The following PCGF5 variants were observed in gnomAD, a reference collection of about 807,000 sequenced individuals.
The protein encoded by PCGF5 is polycomb group RING finger protein 5.
PCGF5 carries 9 observed loss-of-function variants against 44.3 expected under a neutral mutation model. The ratio of observed to expected loss-of-function variants is 0.20; its 90% CI spans 0.12 to 0.35. The LOEUF (loss-of-function observed/expected upper bound fraction) is 0.35. Among genes scored for constraint, PCGF5 ranks in the 10% least tolerant of loss-of-function variants. The pLI, the probability that PCGF5 is intolerant of heterozygous loss-of-function variation, is 1.00. For synonymous variants in PCGF5, 95 were observed against 102.5 expected (o/e 0.93, Z 0.44); for missense variants, 146 against 305.3 (o/e 0.48, Z 3.89).
chr10:91,166,745 C>A (rs1401101311), intron 1 of PCGF5, among the ~76,000 whole-genome samples: 2 of 152,160 alleles, frequency 1.3e-5, no homozygotes, highest in Non-Finnish European at 2.9e-5. Flanking sequence ...TAGAGCTTTC[C>A]ACAGCAAGTT....
chr10:91,209,317 AGAG>A (rs1844405335), intron 1 of PCGF5, among the ~76,000 whole-genome samples: 1 of 152,202 alleles, frequency 6.6e-6, no homozygotes. Context: ...GTCAGAAGTC[AGAG>A]GATGGGGCTG....
At chr10:91,227,238 CT>C (rs569022102) in intron 2 of PCGF5, 1,142 of 380,120 alleles carry the variant, frequency 3.0e-3, no homozygotes, top group South Asian at 4.0e-3. Flanking sequence ...GATGTATGTT[CT>C]TTTTTTTTTC....
chr10:91,213,639 C>CT (rs113834545), intron 1 of PCGF5, among the ~76,000 whole-genome samples: 50 of 141,598 alleles, frequency 3.5e-4, no homozygotes, highest in East Asian at 1.7e-3. Context: ...TTTTTTTTTT[C>CT]TTTTTTTTTT....
intron 3 of PCGF5, among the ~76,000 whole-genome samples, chr10:91,242,359 A>C (rs938489304): frequency 3.3e-5 from 5 of 151,970 alleles, no homozygotes; most frequent in African/African-American, 1.2e-4. Flanking sequence ...GTTAATATCC[A>C]GTTGTAATGA....
intron 1 of PCGF5, among the ~76,000 whole-genome samples, chr10:91,197,181 G>A (rs1359363181): frequency 1.3e-5 from 2 of 152,202 alleles, no homozygotes; most frequent in Non-Finnish European, 2.9e-5. Flanking sequence ...GGAATTTGGA[G>A]TCTGGTCAGC....
In PCGF5 at chr10:91,248,666, A is replaced by G. The variant is rs559826531; in HGVS notation, c.267A>G (p.Gln89=). 6 of 1,607,412 alleles carry G rather than the reference A, an allele frequency of 3.7e-6. No homozygotes were observed. In the South Asian group the frequency reaches 5.5e-5, roughly 15 times the overall value. Residue 89 remains glutamine (Q), a splice_region_variant and synonymous_variant, in exon 5 of 10, where the codon CAA becomes CAG. Coordinates refer to ENST00000336126, the MANE Select transcript of PCGF5 (RefSeq NM_032373.5). ...TTTATACTCTTTCTTTTAAATTAGAAGAACTTGAGCGTGAATCTGAATTTT... is the reference window on the plus strand; with the variant it reads ...TTTATACTCTTTCTTTTAAATTAGAGGAACTTGAGCGTGAATCTGAATTTT... ...IFKLVPGLRE[Q]ELERESEFWK...
chr10:91,273,653 A>G (rs1352755122), intron 9 of PCGF5, among the ~76,000 whole-genome samples: 1 of 152,112 alleles, frequency 6.6e-6, no homozygotes, highest in Non-Finnish European at 1.5e-5. Context: ...CCTATGCTGT[A>G]TCTATTGTTA....
intron 6 of PCGF5, among the ~76,000 whole-genome samples, chr10:91,256,518 GAA>G (rs1226102955): frequency 6.6e-6 from 1 of 152,014 alleles, no homozygotes; most frequent in Non-Finnish European, 1.5e-5. Flanking sequence ...AAAAAGGACA[GAA>G]AGTATATTTG....
chr10:91,203,322 T>C (rs187004411), intron 1 of PCGF5, among the ~76,000 whole-genome samples: 128 of 151,856 alleles, frequency 8.4e-4, no homozygotes, highest in Non-Finnish European at 1.1e-3. Flanking sequence ...CCAAGGATCA[T>C]GTAATTCTCT....
chr10:91,184,365 A>G (rs948419032), intron 1 of PCGF5, among the ~76,000 whole-genome samples: 3 of 151,974 alleles, frequency 2.0e-5, no homozygotes, highest in Non-Finnish European at 4.4e-5. Flanking sequence ...AATACTTTTT[A>G]TTCCGTTATG....
At position 91,224,291 on chromosome 10, in the gene PCGF5, A is replaced by G. The variant is rs146896243; in HGVS notation, c.112+1308A>G. On this transcript the variant is annotated intron_variant, in intron 2 of 9. Coordinates refer to ENST00000336126, the MANE Select transcript of PCGF5 (RefSeq NM_032373.5). Reference sequence around the variant, plus strand: ...ACTGGCACATCTTATTCAATTAGCAATTAACTATGTACTATCTTGTATTAC... The same window carrying G: ...ACTGGCACATCTTATTCAATTAGCAGTTAACTATGTACTATCTTGTATTAC... 1.8e-3 allele frequency among the ~76,000 whole-genome samples: 278 copies of G among 152,266 alleles called. 1 individual carries two copies. Among genetic ancestry groups the G allele is most frequent in the African/African-American group, 6.2e-3 (256 of 41,546 alleles).
At chr10:91,237,389 GA>G (rs941310259) in intron 2 of PCGF5, among the ~76,000 whole-genome samples, 1 of 151,842 alleles carries the variant, frequency 6.6e-6, no homozygotes, top group Admixed American at 6.6e-5. Flanking sequence ...AAAACTATCT[GA>G]AAAAAAATTG....
chr10:91,233,983 A>G (rs772865500), intron 2 of PCGF5, among the ~76,000 whole-genome samples: 8 of 152,240 alleles, frequency 5.3e-5, no homozygotes, highest in Non-Finnish European at 1.0e-4. Context: ...TTGTTTTATC[A>G]TCAGTGATAG....
At chr10:91,259,904 G>A in intron 6 of PCGF5, among the ~76,000 whole-genome samples, 1 of 151,152 alleles carries the variant, frequency 6.6e-6, no homozygotes, top group African/African-American at 2.5e-5. Context: ...CATAGGCATG[G>A]GCAAGGACTT....
intron 1 of PCGF5, among the ~76,000 whole-genome samples, chr10:91,214,979 C>T (rs1461272369): frequency 6.6e-6 from 1 of 152,156 alleles, no homozygotes; most frequent in African/African-American, 2.4e-5. Context: ...TCATACTTCA[C>T]TGGTAAAAAG....
chr10:91,239,166 A>T (rs1845259150), intron 2 of PCGF5, among the ~76,000 whole-genome samples: 1 of 152,126 alleles, frequency 6.6e-6, no homozygotes, highest in Admixed American at 6.6e-5. Context: ...ACTTATCACT[A>T]ACTAAAATTG....
chr10:91,241,146 C>T (rs1845314229), intron 3 of PCGF5, among the ~76,000 whole-genome samples: 1 of 151,636 alleles, frequency 6.6e-6, no homozygotes, highest in African/African-American at 2.4e-5. Flanking sequence ...GCGATCTCAG[C>T]TCACCGCAAC....
intron 8 of PCGF5, 125 bp from the exon 9 acceptor site, chr10:91,271,513 A>G: frequency 1.5e-6 from 1 of 660,520 alleles, no homozygotes; most frequent in Non-Finnish European, 2.4e-6. Flanking sequence ...TTTTTTTGGA[A>G]AGTGTTTATT....
At chr10:91,226,289 T>TAAAAAAAAAAAAAAAAAAAAAAA (rs66465569) in intron 2 of PCGF5, among the ~76,000 whole-genome samples, 1 of 75,142 alleles carries the variant, frequency 1.3e-5, no homozygotes, top group Non-Finnish European at 2.4e-5. Context: ...TTAAGAAATG[T>TAAAAAAAAAAAAAAAAAAAAAAA]AAAAAAAAAA....
Sources: gnomAD v4.1 joint callset for allele counts (sites outside exome capture counted in the v4.1 genomes callset) on GRCh38, gnomAD v4.1.1 for gene constraint, MANE v1.5 for transcripts, NCBI Gene and HGNC (gene_info 2026-07-23, HGNC 2026-07-21) for gene names.